Variants in TNRC6B observed in about 807,000 individuals in gnomAD.
TNRC6B encodes the protein trinucleotide repeat containing adaptor 6B.
In TNRC6B, 52 loss-of-function variants were observed where a neutral mutation model predicts 203.6. The observed-to-expected ratio is 0.26, with a 90% CI of 0.20 to 0.32. The LOEUF is 0.32. Ranked by LOEUF, TNRC6B falls within the 10% of genes least tolerant of loss-of-function variation. The pLI, the probability that TNRC6B is intolerant of heterozygous loss-of-function variation, is 1.00. For synonymous variants in TNRC6B, 838 were observed against 845.7 expected (o/e 0.99, Z 0.16); for missense variants, 1,923 against 2,286.2 (o/e 0.84, Z 3.24).
At chr22:40,060,220 ATTATTTTT>A (rs957077581) in intron 1 of TNRC6B, among the ~76,000 whole-genome samples, 1 of 81,630 alleles carries the variant, frequency 1.2e-5, no homozygotes. Flanking sequence ...TATTATTTTT[ATTATTTTT>A]TTATTTTTTT....
At chr22:40,143,746 T>G (rs1467814222) in intron 3 of TNRC6B, among the ~76,000 whole-genome samples, 5 of 152,202 alleles carry the variant, frequency 3.3e-5, no homozygotes, top group Admixed American at 3.3e-4. Flanking sequence ...TCCGCCCGCC[T>G]TGGCCACCCA....
intron 1 of TNRC6B, among the ~76,000 whole-genome samples, chr22:40,195,664 G>A (rs985295384): frequency 6.6e-6 from 1 of 152,228 alleles, no homozygotes; most frequent in Non-Finnish European, 1.5e-5. Flanking sequence ...ATGTTGCCCA[G>A]GCTGGTCTCA....
At chr22:40,285,171 A>C (rs966423976) in intron 11 of TNRC6B, among the ~76,000 whole-genome samples, 4 of 152,196 alleles carry the variant, frequency 2.6e-5, no homozygotes, top group African/African-American at 9.7e-5. Flanking sequence ...AGGACAAGGA[A>C]GGGTGCTAGG....
upstream of TNRC6B, among the ~76,000 whole-genome samples, chr22:40,173,010 C>T (rs955741344): frequency 2.6e-5 from 4 of 152,194 alleles, no homozygotes; most frequent in Admixed American, 2.0e-4. Flanking sequence ...ATGATATCCT[C>T]TTTCTCAGCC....
chr22:40,195,428 A>C (rs2069324421), intron 1 of TNRC6B, among the ~76,000 whole-genome samples: 4 of 152,028 alleles, frequency 2.6e-5, no homozygotes, highest in Admixed American at 2.6e-4. Flanking sequence ...TTGATTCACT[A>C]TTAGGGACTA....
chr22:40,049,153 G>A (rs28494590), intron 1 of TNRC6B, among the ~76,000 whole-genome samples: 22,626 of 151,904 alleles, frequency 0.15, 2,139 homozygotes, highest in South Asian at 0.24. Context: ...AGGCTGAGGC[G>A]GGTGGATCAC....
intron 3 of TNRC6B, among the ~76,000 whole-genome samples, chr22:40,145,087 ATT>A (rs1160221317): frequency 0.042 from 5,770 of 138,190 alleles, 379 homozygotes; most frequent in African/African-American, 0.13. Flanking sequence ...AAAAAAAAAA[ATT>A]TTTTTAATTA....
intron 4 of TNRC6B, among the ~76,000 whole-genome samples, chr22:40,158,167 G>A (rs2068834940): frequency 6.6e-6 from 1 of 151,928 alleles, no homozygotes; most frequent in Non-Finnish European, 1.5e-5. Context: ...GTGAAACCCT[G>A]TCTCTAGTAA....
chr22:40,244,392 CAGA>C (rs1271719571), intron 1 of TNRC6B, among the ~76,000 whole-genome samples: 1 of 151,912 alleles, frequency 6.6e-6, no homozygotes, highest in Non-Finnish European at 1.5e-5. Flanking sequence ...CCCAGAGGTG[CAGA>C]AGGAGAAAGG....
chr22:40,057,292 GTT>G (rs398037161), intron 1 of TNRC6B, among the ~76,000 whole-genome samples: 13 of 129,982 alleles, frequency 1.0e-4, no homozygotes, highest in African/African-American at 2.3e-4. Flanking sequence ...AATATGCCAG[GTT>G]TTTTTTTTTT....
At chr22:40,162,051 A>G (rs548585064) in intron 4 of TNRC6B, among the ~76,000 whole-genome samples, 19 of 152,306 alleles carry the variant, frequency 1.2e-4, no homozygotes, top group African/African-American at 4.6e-4. Context: ...GTGATGGTCT[A>G]AAGGTTTGTG....
At chr22:40,159,224 A>C (rs1232575461) in intron 4 of TNRC6B, among the ~76,000 whole-genome samples, 1 of 150,830 alleles carries the variant, frequency 6.6e-6, no homozygotes, top group Non-Finnish European at 1.5e-5. Flanking sequence ...CGGCCTCCCA[A>C]AGTGCTGGGA....
At chr22:40,238,421 A>G (rs1000825962) in intron 1 of TNRC6B, among the ~76,000 whole-genome samples, 2 of 152,166 alleles carry the variant, frequency 1.3e-5, no homozygotes, top group African/African-American at 2.4e-5. Flanking sequence ...TTACCAGAAA[A>G]TATGTGCTGG....
chr22:40,048,412 ATGCCTGTAG>A (rs930472154), intron 1 of TNRC6B, among the ~76,000 whole-genome samples: 20 of 152,084 alleles, frequency 1.3e-4, no homozygotes, highest in African/African-American at 4.8e-4. Flanking sequence ...GTGGCGGCGC[ATGCCTGTAG>A]TCCCAGTTAC....
intron 1 of TNRC6B, among the ~76,000 whole-genome samples, chr22:40,070,652 G>A (rs1421974422): frequency 1.3e-5 from 2 of 151,996 alleles, no homozygotes; most frequent in African/African-American, 2.4e-5. Flanking sequence ...TAATTTACAG[G>A]TATTTTAAGA....
chr22:40,244,690 T>C (rs1452273823), intron 1 of TNRC6B, among the ~76,000 whole-genome samples: 4 of 152,214 alleles, frequency 2.6e-5, no homozygotes, highest in Non-Finnish European at 4.4e-5. Context: ...CTAGGTGATA[T>C]CTGTGAAACC....
chr22:40,301,953 T>C (rs2071029600), intron 15 of TNRC6B, among the ~76,000 whole-genome samples: 1 of 152,234 alleles, frequency 6.6e-6, no homozygotes, highest in Non-Finnish European at 1.5e-5. Flanking sequence ...TACACATGGC[T>C]GAGGTTATGA....
At position 40,265,051 on chromosome 22, in the gene TNRC6B, C is replaced by G. The variant is rs767901308; in HGVS notation, c.821C>G (p.Thr274Ser). Residue 274 changes from threonine to serine, a missense_variant, in exon 5 of 23, where the codon ACT becomes AGT. Thr to Ser is a moderately conservative substitution (Grantham distance 58, BLOSUM62 1). This residue lies in a region of TNRC6B where 614 missense variants were observed against 587.7 expected (regional missense o/e 1.04). Coordinates refer to ENST00000454349, the MANE Select transcript of TNRC6B (RefSeq NM_001162501.2). ...AAATCTGTTCAATCTTCCAACTCTA[C>G]TACAGAGAACAACAATGGACTAGGA... ...KAKSVQSSNSTTENNNGLGNW... is the reference protein window; with the variant it reads ...KAKSVQSSNSSTENNNGLGNW... 1.2e-6 allele frequency: 2 copies of G among 1,613,998 alleles called. No individual in the cohort carries two copies. The highest frequency in any genetic ancestry group is 2.2e-5 in the East Asian group (1 of 44,892).
chr22:40,244,280 A>G (rs2070073458), intron 1 of TNRC6B, among the ~76,000 whole-genome samples: 2 of 152,204 alleles, frequency 1.3e-5, no homozygotes, highest in African/African-American at 4.8e-5. Context: ...AGAGGCACAC[A>G]GTCTGACTCC....
Sources: allele counts gnomAD v4.1 joint callset (sites outside exome capture counted in the v4.1 genomes callset), GRCh38; gene constraint gnomAD v4.1.1; regional missense constraint gnomAD v4.1.1; transcripts MANE v1.5; gene names NCBI Gene and HGNC (gene_info 2026-07-23, HGNC 2026-07-21).